ZNF888: variants seen among roughly 807,000 people sequenced by gnomAD.
ZNF888 encodes the protein CTD-2331H12.6.
In ZNF888, 5 loss-of-function variants were observed where a neutral mutation model predicts 7.2. The ratio of observed to expected loss-of-function variants is 0.70; its 90% CI spans 0.36 to 1.46. The LOEUF (loss-of-function observed/expected upper bound fraction) is 1.46. ZNF888 is among the 40% of genes most tolerant of loss of function. ZNF888 has a pLI of 0.03. For missense variants in ZNF888, 716 were observed against 858.0 expected (o/e 0.83, Z 2.07); for synonymous variants, 240 against 284.3 (o/e 0.84, Z 1.57).
Position 52,907,546 on chromosome 19 carries a change from T to C in ZNF888, c.776A>G (p.His259Arg), listed in dbSNP as rs1451790399. ...KDFNQKRYLA[H>R]HRRCHTGEKP... ...CTCACCAGTGTGACATCTACGATGG[T>C]GTGCAAGGTATCGCTTCTGATTAAA... Residue 259 changes from histidine to arginine, a missense_variant, in exon 5 of 5, where the codon CAC becomes CGC. By Grantham distance (29) the His-to-Arg change is conservative. This residue lies in a region of ZNF888 where 697 missense variants were observed against 803.4 expected (regional missense o/e 0.87). Coordinates refer to ENST00000638862, the MANE Select transcript of ZNF888 (RefSeq NM_001393938.1). 3.7e-6 allele frequency: 6 copies of C among 1,609,582 alleles called. No homozygotes were observed. Among genetic ancestry groups the C allele is most frequent in the Non-Finnish European group, 4.2e-6 (5 of 1,178,202 alleles).
chr19:52,905,708 T>C lies in ZNF888; in HGVS notation c.*457A>G. Reference sequence around the variant, plus strand: ...CAAGTCAATGCTGAACTGACTCTAGTGTCAATTAATGCTTGATGGTTTGCT... The same window carrying C: ...CAAGTCAATGCTGAACTGACTCTAGCGTCAATTAATGCTTGATGGTTTGCT... On this transcript the variant is annotated 3_prime_UTR_variant, in exon 5 of 5. Coordinates refer to ENST00000638862, the MANE Select transcript of ZNF888 (RefSeq NM_001393938.1). 2.2e-6 allele frequency: 1 copy of C among 451,060 alleles called. No individual in the cohort carries two copies. The highest frequency in any genetic ancestry group is 4.5e-6 in the Non-Finnish European group (1 of 222,416). 27.9% of individuals were successfully genotyped at this position (451,060 alleles called of 1,614,324 possible).
chr19:52,908,282 T>C (rs1171217590), intron 4 of ZNF888, 103 bp from the exon 5 acceptor site: 14 of 1,150,814 alleles, frequency 1.2e-5, no homozygotes, highest in Non-Finnish European at 1.8e-5. Flanking sequence ...TTTAAACATC[T>C]CAAACATGAG....
chr19:52,917,415 A>C (rs2064764170), intron 3 of ZNF888: 1 of 402,266 alleles, frequency 2.5e-6, no homozygotes, highest in African/African-American at 2.1e-5. Flanking sequence ...CTAAAAATGT[A>C]GTTTAATATC....
chr19:52,918,143 G>T, intron 2 of ZNF888: 1 of 1,369,382 alleles, frequency 7.3e-7, no homozygotes, highest in South Asian at 1.7e-5. Context: ...GCAGCAGTAG[G>T]GATCTGGGCT....
At position 52,906,236 on chromosome 19, in the gene ZNF888, C is replaced by A; in HGVS notation, c.2086G>T (p.Gly696Cys). The A allele has an allele frequency of 6.2e-7, 1 of 1,610,368 alleles. No homozygotes were observed. The highest frequency in any genetic ancestry group is 8.5e-7 in the Non-Finnish European group (1 of 1,177,932). ...GTTGACTGTGCACGAAAGGCTTTGCCACACTCACTACACTTGAAAGGTTTC... is the reference window on the plus strand; with the variant it reads ...GTTGACTGTGCACGAAAGGCTTTGCAACACTCACTACACTTGAAAGGTTTC... ...GEKPFKCSEC[G>C]KAFRAQSTLI... is the part of the protein sequence containing the mutation. The change falls in exon 5 of 5, where the codon GGC (glycine) becomes TGC (cysteine). Residue 696 changes from glycine to cysteine, a missense_variant. Physicochemically the swap from Gly to Cys is radical, Grantham distance 159 (BLOSUM62 -3). This residue lies in a region of ZNF888 where 697 missense variants were observed against 803.4 expected (regional missense o/e 0.87). Coordinates refer to ENST00000638862, the MANE Select transcript of ZNF888 (RefSeq NM_001393938.1).
In ZNF888 at chr19:52,905,749, G is replaced by A. The variant is rs185146378; in HGVS notation, c.*416C>T. The A allele has an allele frequency of 9.6e-5, 50 of 522,756 alleles. 1 individual carries two copies. Among genetic ancestry groups the A allele is most frequent in the East Asian group, 9.1e-4 (19 of 20,766 alleles). 32.4% of individuals were successfully genotyped at this position (522,756 alleles called of 1,614,324 possible). On this transcript the variant is annotated 3_prime_UTR_variant, in exon 5 of 5. Transcript: ENST00000638862. ...ATGGTTTGCTATACTCATTGCATTC[G>A]GAACTATTATCTCAAAAATAAATTT...
In ZNF888 at chr19:52,906,378, G is replaced by T; in HGVS notation, c.1944C>A (p.Tyr648Ter). 4 of 1,613,200 alleles carry T rather than the reference G, an allele frequency of 2.5e-6. No homozygotes were observed. Among genetic ancestry groups the T allele is most frequent in the Non-Finnish European group, 3.4e-6 (4 of 1,179,572 alleles). ...VCDKAFGRDS[Y>*]LAQHQRVHTG... ...TGTGAACTCTCTGATGTTGTGCAAG[G>T]TATGAATCACGCCCAAAAGCCTTGT... Residue 648 changes from tyrosine to a stop codon, truncating the protein, a stop_gained, in exon 5 of 5, where the codon TAC becomes TAA. Transcript: ENST00000638862. LOFTEE classifies it low-confidence loss of function (END_TRUNC).
chr19:52,921,593 A>G, intron 1 of ZNF888: 4 of 897,610 alleles, frequency 4.5e-6, no homozygotes, highest in Non-Finnish European at 5.3e-6. Context: ...TGATGCCATT[A>G]ATTCCTAACA....
At chr19:52,916,576 T>C (rs2064751316) in intron 3 of ZNF888, among the ~76,000 whole-genome samples, 1 of 146,992 alleles carries the variant, frequency 6.8e-6, no homozygotes, top group Admixed American at 6.9e-5. Context: ...TATACATACA[T>C]ACACATATAT....
intron 4 of ZNF888, among the ~76,000 whole-genome samples, chr19:52,913,113 C>T (rs2064705384): frequency 6.6e-6 from 1 of 151,944 alleles, no homozygotes; most frequent in Non-Finnish European, 1.5e-5. Context: ...GTCTCATAAA[C>T]ACATAAATTA....
chr19:52,909,879 T>C (rs181739236), intron 4 of ZNF888, among the ~76,000 whole-genome samples: 1 of 151,910 alleles, frequency 6.6e-6, no homozygotes, highest in Non-Finnish European at 1.5e-5. Context: ...GAATTGACTA[T>C]GGCCAGGCAT....
intron 3 of ZNF888, among the ~76,000 whole-genome samples, chr19:52,916,619 T>TACATATACATATAC (rs1320149827): frequency 2.6e-4 from 5 of 19,452 alleles, no homozygotes; most frequent in Admixed American, 6.4e-4. Context: ...CATATACATA[T>TACATATACATATAC]ATATATATAT....
In ZNF888 at chr19:52,906,017, T is replaced by C; in HGVS notation, c.*148A>G. On this transcript the variant is annotated 3_prime_UTR_variant, in exon 5 of 5. Transcript: ENST00000638862. ...TGACATTTGTAAGGTTTCTCTCCAG[T>C]ATGAGTTCACCCATGAACTACAGCG... 8.3e-7 allele frequency: 1 copy of C among 1,202,546 alleles called. No homozygotes were observed. The highest frequency in any genetic ancestry group is 1.2e-6 in the Non-Finnish European group (1 of 810,236). The allele number at this position is 1,202,546 out of a possible 1,614,324, so 74.5% of individuals were successfully genotyped here.
intron 4 of ZNF888, among the ~76,000 whole-genome samples, chr19:52,914,740 C>T (rs2064724478): frequency 6.6e-6 from 1 of 152,156 alleles, no homozygotes; most frequent in South Asian, 2.1e-4. Context: ...GTTCTCGGCT[C>T]ACTAGAACCT....
At chr19:52,918,507 A>C (rs977684915) in intron 2 of ZNF888, among the ~76,000 whole-genome samples, 1 of 152,072 alleles carries the variant, frequency 6.6e-6, no homozygotes, top group Non-Finnish European at 1.5e-5. Flanking sequence ...CAATGGCTGA[A>C]GCCTGTAATA....
At chr19:52,921,750 G>C in intron 1 of ZNF888, 1 of 553,440 alleles carries the variant, frequency 1.8e-6, no homozygotes, top group Non-Finnish European at 2.3e-6. Flanking sequence ...CTACATGGAG[G>C]AACCCCGTTT....
intron 4 of ZNF888, chr19:52,914,299 A>G (rs940170839): frequency 4.4e-5 from 43 of 973,274 alleles, no homozygotes; most frequent in Non-Finnish European, 5.2e-5. Flanking sequence ...CTGCGTTTAC[A>G]CCTGTAATAT....
chr19:52,917,051 A>G (rs969724777), intron 3 of ZNF888, among the ~76,000 whole-genome samples: 1 of 152,240 alleles, frequency 6.6e-6, no homozygotes, highest in Non-Finnish European at 1.5e-5. Context: ...GAGCCTCTCC[A>G]TAGTAACACC....
intron 1 of ZNF888, among the ~76,000 whole-genome samples, chr19:52,922,889 A>G (rs556012294): frequency 1.1e-4 from 16 of 147,062 alleles, no homozygotes; most frequent in Non-Finnish European, 1.8e-4. Context: ...TTGGGGAGCA[A>G]CAGGGCCCGG....
Sources: gnomAD v4.1 joint callset for allele counts (sites outside exome capture counted in the v4.1 genomes callset) on GRCh38, gnomAD v4.1.1 for gene constraint, gnomAD v4.1.1 regional missense constraint, MANE v1.5 for transcripts, NCBI Gene and HGNC (gene_info 2026-07-23, HGNC 2026-07-21) for gene names.